The following TENM2 variants were observed in gnomAD, a reference collection of about 807,000 sequenced individuals.
The protein encoded by TENM2 is teneurin-2.
In TENM2, 52 loss-of-function variants were observed where a neutral mutation model predicts 245.2. The ratio of observed to expected loss-of-function variants is 0.21; its 90% CI spans 0.17 to 0.27. TENM2 has a LOEUF of 0.27. TENM2 is among the 10% of genes least tolerant of loss of function. TENM2 has a pLI of 1.00. For missense variants in TENM2, 3,046 were observed against 3,666.8 expected, an observed-to-expected ratio of 0.83 and a Z score of 4.37; for synonymous variants, 1,363 against 1,438.9, an observed-to-expected ratio of 0.95 and a Z score of 1.19.
chr5:167,342,454 C>G (rs917017960), intron 1 of TENM2, among the ~76,000 whole-genome samples: 1 of 150,566 alleles, frequency 6.6e-6, no homozygotes, highest in Non-Finnish European at 1.5e-5. Flanking sequence ...TGATATTAAC[C>G]CTGGTCATCT....
At chr5:167,532,851 C>A (rs1464522847) in intron 2 of TENM2, among the ~76,000 whole-genome samples, 1 of 132,572 alleles carries the variant, frequency 7.5e-6, no homozygotes, top group East Asian at 3.2e-4. Flanking sequence ...TATATGCTAT[C>A]CTGTAAACTG....
intron 1 of TENM2, among the ~76,000 whole-genome samples, chr5:167,365,768 T>G (rs1167761613): frequency 1.3e-5 from 2 of 151,934 alleles, no homozygotes; most frequent in African/African-American, 4.8e-5. Flanking sequence ...TAAAATAACC[T>G]TAAATAGACA....
the TENM2 span, among the ~76,000 whole-genome samples, chr5:167,165,907 T>C: frequency 6.6e-6 from 1 of 152,218 alleles, no homozygotes; most frequent in Non-Finnish European, 1.5e-5. Flanking sequence ...GTGATGGTAC[T>C]GACATTGGGC....
chr5:167,700,611 G>A (rs1298737434), intron 2 of TENM2, among the ~76,000 whole-genome samples: 3 of 152,146 alleles, frequency 2.0e-5, no homozygotes, highest in Admixed American at 6.5e-5. Flanking sequence ...ACTGCTCTTG[G>A]TACACCTATG....
chr5:167,530,146 A>G (rs184340667), intron 2 of TENM2, among the ~76,000 whole-genome samples: 65 of 151,990 alleles, frequency 4.3e-4, no homozygotes, highest in Non-Finnish European at 7.2e-4. Context: ...GAAACTTTTT[A>G]GAGCAATTTG....
chr5:166,998,634 G>A, the TENM2 span, among the ~76,000 whole-genome samples: 2 of 152,174 alleles, frequency 1.3e-5, no homozygotes, highest in African/African-American at 4.8e-5. Flanking sequence ...ATTGCTAGAA[G>A]CTGGAGGAGA....
At chr5:167,179,626 C>A in the TENM2 span, among the ~76,000 whole-genome samples, 160 of 152,236 alleles carry the variant, frequency 1.1e-3, no homozygotes, top group South Asian at 0.012. Flanking sequence ...TATATACTTA[C>A]AACTTTTAGT....
At chr5:167,153,803 AAAAC>A in the TENM2 span, among the ~76,000 whole-genome samples, 1 of 152,182 alleles carries the variant, frequency 6.6e-6, no homozygotes, top group Non-Finnish European at 1.5e-5. Context: ...AAAACTGAAA[AAAAC>A]AAAAAACAAA....
At chr5:167,022,440 C>T in the TENM2 span, among the ~76,000 whole-genome samples, 5,044 of 152,184 alleles carry the variant, frequency 0.033, 272 homozygotes, top group African/African-American at 0.11. Flanking sequence ...TAACTTTTTA[C>T]GTAAATATAT....
chr5:168,090,768 A>C, exon 8 of TENM2: 2 of 1,613,318 alleles, frequency 1.2e-6, no homozygotes, highest in South Asian at 2.2e-5. Flanking sequence ...CTGTTGTCCT[A>C]GGTAGGTGTG....
At chr5:167,476,614 T>C (rs1306906573) in intron 2 of TENM2, among the ~76,000 whole-genome samples, 1 of 152,176 alleles carries the variant, frequency 6.6e-6, no homozygotes, top group African/African-American at 2.4e-5. Flanking sequence ...TTTTTTGTTT[T>C]GAGGTGGAGT....
At position 168,027,854 on chromosome 5, in the gene TENM2, CCTGT is replaced by C. The variant is rs779601135; in HGVS notation, c.1187-19570_1187-19567del. On this transcript the variant is annotated intron_variant, in intron 5 of 28. Transcript: ENST00000518659. The stretch of plus-strand genomic sequence containing the variant: ...GTTCCAGTAGCAACTGTTTGTTCTT[CCTGT>C]CTAAGAAGTGTAGCACATAGGTACT... 2.0e-4 allele frequency among the ~76,000 whole-genome samples: 30 copies of C among 152,262 alleles called. 1 individual carries two copies. Among genetic ancestry groups the C allele is most frequent in the Admixed American group, 1.7e-3 (26 of 15,308 alleles).
At chr5:167,139,909 T>G in the TENM2 span, among the ~76,000 whole-genome samples, 1 of 152,198 alleles carries the variant, frequency 6.6e-6, no homozygotes, top group Non-Finnish European at 1.5e-5. Context: ...TATTATTGGT[T>G]GGGGAGAAAA....
chr5:168,114,424 A>G (rs1794906358), intron 9 of TENM2, among the ~76,000 whole-genome samples: 2 of 152,228 alleles, frequency 1.3e-5, no homozygotes, highest in South Asian at 4.1e-4. Flanking sequence ...TGCAGCTTGC[A>G]TGATAGTAAA....
intron 23 of TENM2, among the ~76,000 whole-genome samples, chr5:168,225,586 C>T (rs1233156377): frequency 2.0e-5 from 3 of 152,016 alleles, no homozygotes; most frequent in African/African-American, 7.2e-5. Flanking sequence ...CATGGCAAAA[C>T]CCCATCTCTA....
At chr5:167,245,529 T>C in the TENM2 span, among the ~76,000 whole-genome samples, 1 of 150,758 alleles carries the variant, frequency 6.6e-6, no homozygotes, top group East Asian at 2.0e-4. Context: ...TTTTAAGAAA[T>C]GTATCCTCAG....
the TENM2 span, among the ~76,000 whole-genome samples, chr5:166,989,299 TGCCAGGCTG>T: frequency 6.9e-6 from 1 of 143,904 alleles, no homozygotes; most frequent in Non-Finnish European, 1.5e-5. Context: ...CTCTCTCTGT[TGCCAGGCTG>T]GAGTGCAGTG....
At chr5:168,115,799 A>T (rs1407181767) in intron 9 of TENM2, among the ~76,000 whole-genome samples, 1 of 152,188 alleles carries the variant, frequency 6.6e-6, no homozygotes, top group Admixed American at 6.5e-5. Flanking sequence ...TTTTCTCTGG[A>T]ATACCAACTC....
At chr5:167,540,666 C>T (rs1772146524) in intron 2 of TENM2, among the ~76,000 whole-genome samples, 2 of 152,102 alleles carry the variant, frequency 1.3e-5, no homozygotes, top group Non-Finnish European at 2.9e-5. Flanking sequence ...AGATAAATAT[C>T]TAGATGATAG....
Sources: allele counts gnomAD v4.1 joint callset (sites outside exome capture counted in the v4.1 genomes callset), GRCh38; gene constraint gnomAD v4.1.1; transcripts MANE v1.5; gene names NCBI Gene and HGNC (gene_info 2026-07-23, HGNC 2026-07-21).